DAW1: variants seen among roughly 807,000 people sequenced by gnomAD.
DAW1 encodes the protein dynein assembly factor with WD repeats 1.
In DAW1, 47 loss-of-function variants were observed where a neutral mutation model predicts 56.5. The ratio of observed to expected loss-of-function variants is 0.83; its 90% CI spans 0.66 to 1.06. The LOEUF is 1.06. DAW1 is among the 50% of genes least tolerant of loss of function. DAW1 has a pLI of 0.00. For missense variants in DAW1, 505 were observed against 499.3 expected, an observed-to-expected ratio of 1.01 and a Z score of -0.11; for synonymous variants, 190 against 179.0, an observed-to-expected ratio of 1.06 and a Z score of -0.49.
chr2:227,915,110 C>A (rs1243841505), intron 10 of DAW1, among the ~76,000 whole-genome samples: 2 of 152,072 alleles, frequency 1.3e-5, no homozygotes, highest in Non-Finnish European at 2.9e-5. Flanking sequence ...CTGTCTGCAT[C>A]ATAATTTTAT....
intron 1 of DAW1, among the ~76,000 whole-genome samples, chr2:227,880,003 A>G (rs1690971745): frequency 6.6e-6 from 1 of 152,230 alleles, no homozygotes. Context: ...TAAAATCATT[A>G]TAATTACATT....
chr2:227,881,937 A>G (rs536849995), intron 1 of DAW1, among the ~76,000 whole-genome samples: 40 of 151,948 alleles, frequency 2.6e-4, no homozygotes, highest in African/African-American at 9.6e-4. Flanking sequence ...TTTTTATTAG[A>G]GACGGTGTTT....
At chr2:227,892,215 C>T (rs1275322540) in intron 4 of DAW1, among the ~76,000 whole-genome samples, 1 of 152,156 alleles carries the variant, frequency 6.6e-6, no homozygotes, top group Non-Finnish European at 1.5e-5. Flanking sequence ...TCACTGCAAC[C>T]TCCAGCTCTA....
In DAW1 at chr2:227,924,020, TG is replaced by T. The variant is rs754039579; in HGVS notation, c.*54del. ...CTTGCTAGCAATGGTAATCAAGAAC[TG>T]GAACTTCACAGACAGCAGCTCTCTT... On this transcript the variant is annotated 3_prime_UTR_variant, in exon 13 of 13. Transcript: ENST00000309931. The T allele has an allele frequency of 6.9e-5, 110 of 1,603,602 alleles. No individual in the cohort carries two copies. Among genetic ancestry groups the T allele is most frequent in the Non-Finnish European group, 9.1e-5 (107 of 1,171,406 alleles).
At chr2:227,921,301 T>C in intron 11 of DAW1, 98 bp from the exon 12 acceptor site, 3 of 1,182,662 alleles carry the variant, frequency 2.5e-6, no homozygotes, top group Non-Finnish European at 3.5e-6. Context: ...TGTGCTGTAA[T>C]GTCCTTTTTT....
At chr2:227,885,216 A>G (rs1691095919) in intron 1 of DAW1, 135 bp from the exon 2 acceptor site, 1 of 559,052 alleles carries the variant, frequency 1.8e-6, no homozygotes, top group Non-Finnish European at 3.0e-6. Flanking sequence ...TTGGAACTAG[A>G]TATCACTGCT....
chr2:227,881,706 C>T (rs952659435), intron 1 of DAW1, among the ~76,000 whole-genome samples: 5 of 145,958 alleles, frequency 3.4e-5, no homozygotes, highest in African/African-American at 1.3e-4. Flanking sequence ...GAGGATCTAT[C>T]TGATGCCAAG....
At chr2:227,913,179 A>T (rs1307244726) in intron 10 of DAW1, among the ~76,000 whole-genome samples, 1 of 152,180 alleles carries the variant, frequency 6.6e-6, no homozygotes, top group Non-Finnish European at 1.5e-5. Flanking sequence ...CATCTTCTTG[A>T]TGATGATTTG....
chr2:227,886,119 G>T (rs1481923080), intron 2 of DAW1, among the ~76,000 whole-genome samples: 1 of 151,644 alleles, frequency 6.6e-6, no homozygotes, highest in East Asian at 1.9e-4. Flanking sequence ...TTTTTGAGAA[G>T]TACTTGTTAC....
chr2:227,923,918 A>G lies in DAW1; in HGVS notation c.1214-16A>G, dbSNP rs1692165989. 6.2e-7 allele frequency: 1 copy of G among 1,613,478 alleles called. No homozygotes were observed. Among genetic ancestry groups the G allele is most frequent in the South Asian group, 1.1e-5 (1 of 91,000 alleles). ...AAATGAAGAAAAAAATAACTGCATG[A>G]AATCTGTTTTATTAGGCAGCAAGGA... On this transcript the variant is annotated splice_polypyrimidine_tract_variant and intron_variant, in intron 12 of 12. Coordinates refer to ENST00000309931, the MANE Select transcript of DAW1 (RefSeq NM_178821.3).
At chr2:227,894,049 A>G (rs1691347690) in intron 5 of DAW1, 132 bp downstream of exon 5, 2 of 920,974 alleles carry the variant, frequency 2.2e-6, no homozygotes, top group South Asian at 1.9e-5. Context: ...AGCCTTTTAA[A>G]TACCTCCTTC....
At chr2:227,893,269 C>T (rs1377204546) in intron 4 of DAW1, among the ~76,000 whole-genome samples, 11 of 112,502 alleles carry the variant, frequency 9.8e-5, no homozygotes, top group East Asian at 3.1e-4. Flanking sequence ...GACTCTGTCT[C>T]GGGGGTGGGG....
chr2:227,910,524 A>ACACACACACACACACACC (rs756824641), intron 10 of DAW1, among the ~76,000 whole-genome samples: 1 of 150,084 alleles, frequency 6.7e-6, no homozygotes, highest in Non-Finnish European at 1.5e-5. Context: ...ACACACACAC[A>ACACACACACACACACACC]CCCCTCATAT....
Position 227,890,005 on chromosome 2 carries a change from T to C in DAW1, c.258+5T>C. 1 of 1,550,456 alleles carries C rather than the reference T, an allele frequency of 6.4e-7. No individual in the cohort carries two copies. Among genetic ancestry groups the C allele is most frequent in the Non-Finnish European group, 8.7e-7 (1 of 1,152,986 alleles). On this transcript the variant is annotated splice_donor_5th_base_variant and intron_variant, in intron 3 of 12. Transcript: ENST00000309931. ...CACACGTTCTATCTTTTTAAGGTAA[T>C]GGATTTAAAAACAATCAGATAGAAG... is the stretch of plus-strand genomic sequence containing the variant.
intron 4 of DAW1, 55 bp downstream of exon 4, chr2:227,891,368 AT>A: frequency 6.8e-7 from 1 of 1,475,078 alleles, no homozygotes; most frequent in Admixed American, 1.7e-5. Flanking sequence ...TTCTGTGTTT[AT>A]TTATCAAAGA....
At chr2:227,907,991 A>G (rs946863905) in intron 10 of DAW1, among the ~76,000 whole-genome samples, 1 of 152,186 alleles carries the variant, frequency 6.6e-6, no homozygotes, top group Non-Finnish European at 1.5e-5. Context: ...ACATGATGCT[A>G]TGCTATACAT....
chr2:227,917,947 A>G (rs901799655), intron 10 of DAW1, among the ~76,000 whole-genome samples: 2 of 152,152 alleles, frequency 1.3e-5, no homozygotes, highest in African/African-American at 4.8e-5. Context: ...TTTTACTACT[A>G]TGTAATGCTA....
At chr2:227,893,966 C>G in intron 5 of DAW1, 49 bp downstream of exon 5, 1 of 1,487,240 alleles carries the variant, frequency 6.7e-7, no homozygotes, top group Admixed American at 2.4e-5. Context: ...TTATTCATCC[C>G]TCCATCTGCT....
rs755966114 is a variant in DAW1, at chr2:227,898,267, C to A, written c.526C>A (p.His176Asn). 5.1e-5 allele frequency: 78 copies of A among 1,538,472 alleles called. No homozygotes were observed. The highest frequency in any genetic ancestry group is 6.7e-5 in the Non-Finnish European group (76 of 1,137,224). The change falls in exon 6 of 13, where the codon CAT becomes AAT. Residue 176 changes from histidine to asparagine, a missense_variant. His to Asn is a moderately conservative substitution (Grantham distance 68). Coordinates refer to ENST00000309931, the MANE Select transcript of DAW1 (RefSeq NM_178821.3). ...AAAATGTTACCATACCTTCAGGGGT[C>A]ATACAGCAGAAATAGTGAGTATATT... Reference protein sequence around the residue: ...TGKCYHTFRGHTAEIVCLSFN... With the variant: ...TGKCYHTFRGNTAEIVCLSFN...
Sources: gnomAD v4.1 joint callset for allele counts (sites outside exome capture counted in the v4.1 genomes callset) on GRCh38, gnomAD v4.1.1 for gene constraint, MANE v1.5 for transcripts, NCBI Gene and HGNC (gene_info 2026-07-23, HGNC 2026-07-21) for gene names.